The following POLR3GL variants were observed in gnomAD, a reference collection of about 807,000 sequenced individuals.
POLR3GL encodes the protein DNA-directed RNA polymerase III subunit RPC7-like.
POLR3GL carries 26 observed loss-of-function variants against 32.4 expected under a neutral mutation model. The observed-to-expected ratio is 0.80, with a 90% CI of 0.59 to 1.11. The LOEUF (loss-of-function observed/expected upper bound fraction) is 1.11. POLR3GL is among the 50% of genes most tolerant of loss of function. The probability of loss-of-function intolerance (pLI) is 0.00; values close to 1 mark genes in which losing one functional copy is unlikely to be tolerated. For synonymous variants in POLR3GL, 95 were observed against 98.7 expected (o/e 0.96, Z 0.22); for missense variants, 229 against 280.1 (o/e 0.82, Z 1.30).
intron 1 of POLR3GL, among the ~76,000 whole-genome samples, chr1:145,972,532 A>G (rs1295987616): frequency 6.6e-6 from 1 of 152,044 alleles, no homozygotes; most frequent in African/African-American, 2.4e-5. Context: ...CTATGGACTC[A>G]CAGATATTTA....
intron 3 of POLR3GL, 54 bp downstream of exon 3, chr1:145,975,490 G>C (rs782145688): frequency 3.1e-6 from 5 of 1,593,622 alleles, no homozygotes; most frequent in Middle Eastern, 3.3e-4. Context: ...GGAGTGCCCT[G>C]TGCTCAGCAC....
At chr1:145,977,407 C>A (rs996097611) in intron 4 of POLR3GL, 76 bp from the exon 5 acceptor site, 8 of 1,420,960 alleles carry the variant, frequency 5.6e-6, no homozygotes, top group Non-Finnish European at 6.9e-6. Flanking sequence ...ACCCTCACCC[C>A]CCTTTAAAAC....
intron 7 of POLR3GL, 120 bp downstream of exon 7, chr1:145,978,216 C>G: frequency 7.2e-6 from 10 of 1,393,624 alleles, no homozygotes; most frequent in Non-Finnish European, 8.8e-6. Context: ...GGGCTTCTCT[C>G]TACTTCATCT....
chr1:145,975,153 A>G (rs187550344), intron 2 of POLR3GL, among the ~76,000 whole-genome samples, 154 bp from the exon 3 acceptor site: 3 of 152,202 alleles, frequency 2.0e-5, no homozygotes, highest in Admixed American at 6.5e-5. Flanking sequence ...GTCCACCTTT[A>G]CTTCTCCCCA....
chr1:145,978,168 G>A, intron 7 of POLR3GL, 72 bp downstream of exon 7: 1 of 1,549,708 alleles, frequency 6.5e-7, no homozygotes, highest in Non-Finnish European at 8.7e-7. Context: ...CTCCTCAGAG[G>A]GTTGGCATGC....
At chr1:145,976,916 A>C (rs1346987784) in intron 3 of POLR3GL, among the ~76,000 whole-genome samples, 168 bp from the exon 4 acceptor site, 1 of 133,000 alleles carries the variant, frequency 7.5e-6, no homozygotes, top group African/African-American at 3.3e-5. Context: ...CTGTCTCAAA[A>C]AAAAAAAAAA....
rs1553763542 is a variant in POLR3GL at position 145,977,157 on chromosome 1, G to GT, written c.325+6dup. On this transcript the variant is annotated splice_donor_region_variant and intron_variant, in intron 4 of 7. Transcript: ENST00000369314. ...ATGCCATCGATTGGAACCCTGGTAG[G>GT]TGATGGGCCCTTTCATTGACTGCCC... is the stretch of plus-strand genomic sequence containing the variant. The GT allele has an allele frequency of 2.5e-6, 4 of 1,611,778 alleles. No homozygotes were observed. The East Asian group carries it at 6.7e-5, about 27-fold the overall frequency.
At chr1:145,966,787 C>CA (rs113568292) in intron 1 of POLR3GL, among the ~76,000 whole-genome samples, 24 of 144,230 alleles carry the variant, frequency 1.7e-4, no homozygotes, top group Admixed American at 3.5e-4. Context: ...GAAACTGTCT[C>CA]AAAAAAAAAA....
intron 1 of POLR3GL, among the ~76,000 whole-genome samples, chr1:145,968,679 C>A (rs1304502712): frequency 6.6e-6 from 1 of 151,292 alleles, no homozygotes; most frequent in Non-Finnish European, 1.5e-5. Flanking sequence ...TCAAGTTATT[C>A]TCCTGCCTCG....
rs1332993317 is a variant in POLR3GL at position 145,978,540 on chromosome 1, G to C, written c.*93G>C. On this transcript the variant is annotated 3_prime_UTR_variant, in exon 8 of 8. Coordinates refer to ENST00000369314, the MANE Select transcript of POLR3GL (RefSeq NM_032305.3). ...TTCAGACAAGCAAATCATTTGGTCA[G>C]AGTTCATATAATCTGTCTGTTCCCT... The C allele has an allele frequency of 1.2e-6, 1 of 849,244 alleles. No individual in the cohort carries two copies. Among genetic ancestry groups the C allele is most frequent in the Non-Finnish European group, 2.0e-6 (1 of 504,892 alleles). 52.6% of individuals were successfully genotyped at this position (849,244 alleles called of 1,614,324 possible). A position where few individuals can be genotyped will look rare whatever the true frequency, so the allele number is the denominator to read the frequency against.
At chr1:145,976,065 A>G (rs1483023053) in intron 3 of POLR3GL, among the ~76,000 whole-genome samples, 3 of 152,036 alleles carry the variant, frequency 2.0e-5, no homozygotes, top group Non-Finnish European at 4.4e-5. Flanking sequence ...ACTTGAGGCC[A>G]GGAGTTTGAG....
At chr1:145,969,139 C>A (rs1159851586) in intron 1 of POLR3GL, among the ~76,000 whole-genome samples, 1 of 152,114 alleles carries the variant, frequency 6.6e-6, no homozygotes, top group Non-Finnish European at 1.5e-5. Flanking sequence ...CACTCTGTTG[C>A]CCAGACTGGT....
intron 1 of POLR3GL, among the ~76,000 whole-genome samples, chr1:145,966,658 G>T (rs139112820): frequency 6.6e-6 from 1 of 151,836 alleles, no homozygotes; most frequent in South Asian, 2.1e-4. Flanking sequence ...GCATGGTGGC[G>T]CATGCCTGTA....
chr1:145,977,592 G>A (rs1650619538), intron 5 of POLR3GL, 53 bp downstream of exon 5: 6 of 1,523,072 alleles, frequency 3.9e-6, no homozygotes, highest in South Asian at 1.1e-5. Context: ...TCATCAGCCT[G>A]AGGGCCGAGG....
At chr1:145,967,737 GGAAT>G (rs1570989876) in intron 1 of POLR3GL, among the ~76,000 whole-genome samples, 2 of 152,260 alleles carry the variant, frequency 1.3e-5, no homozygotes, top group East Asian at 3.9e-4. Flanking sequence ...TGCCTCCACT[GGAAT>G]GAAAGCTCCA....
At chr1:145,968,562 G>A (rs1274333208) in intron 1 of POLR3GL, among the ~76,000 whole-genome samples, 1 of 151,640 alleles carries the variant, frequency 6.6e-6, no homozygotes, top group Non-Finnish European at 1.5e-5. Flanking sequence ...CTGAAGACAC[G>A]GTGACAAATT....
intron 1 of POLR3GL, among the ~76,000 whole-genome samples, chr1:145,966,947 GT>G (rs782613162): frequency 3.3e-5 from 5 of 151,968 alleles, no homozygotes; most frequent in Non-Finnish European, 5.9e-5. Flanking sequence ...CTGTATATCT[GT>G]TGATGTCTTT....
At chr1:145,978,144 A>AT in intron 7 of POLR3GL, 48 bp downstream of exon 7, 1 of 1,565,556 alleles carries the variant, frequency 6.4e-7, no homozygotes, top group South Asian at 1.2e-5. Flanking sequence ...TACCCTCTTT[A>AT]TACTAGGGTT....
At chr1:145,976,910 C>T (rs1650578880) in intron 3 of POLR3GL, among the ~76,000 whole-genome samples, 174 bp from the exon 4 acceptor site, 1 of 102,040 alleles carries the variant, frequency 9.8e-6, no homozygotes, top group Admixed American at 1.2e-4. Flanking sequence ...GAGACTCTGT[C>T]TCAAAAAAAA....
Sources: allele counts gnomAD v4.1 joint callset (sites outside exome capture counted in the v4.1 genomes callset), GRCh38; gene constraint gnomAD v4.1.1; transcripts MANE v1.5; gene names NCBI Gene and HGNC (gene_info 2026-07-23, HGNC 2026-07-21).